AGBL1: variants seen among roughly 807,000 people sequenced by gnomAD.
The protein encoded by AGBL1 is AGBL carboxypeptidase 1, also known as cytosolic carboxypeptidase 4.
Under a neutral mutation model 118.9 loss-of-function variants are expected in AGBL1, and 130 were observed. That is an observed-to-expected ratio of 1.09 (90% CI 0.95 to 1.26). The LOEUF (loss-of-function observed/expected upper bound fraction) is 1.26, where lower values mean the gene tolerates loss of function less well. Among genes scored for constraint, AGBL1 ranks in the 50% most tolerant of loss-of-function variants. AGBL1 has a pLI of 0.00. For synonymous variants in AGBL1, 555 were observed against 478.9 expected (o/e 1.16, Z -2.08); for missense variants, 1,584 against 1,298.1 (o/e 1.22, Z -3.38).
At chr15:86,315,438 C>T (rs933321175) in intron 17 of AGBL1, among the ~76,000 whole-genome samples, 5 of 151,954 alleles carry the variant, frequency 3.3e-5, no homozygotes, top group African/African-American at 4.8e-5. Flanking sequence ...TTCGTGGGGC[C>T]GGGCGCAGTG....
At chr15:86,946,871 AAAG>A (rs1042800874) in intron 23 of AGBL1, among the ~76,000 whole-genome samples, 49 of 151,664 alleles carry the variant, frequency 3.2e-4, no homozygotes, top group Middle Eastern at 6.9e-3. Context: ...ACAAAATAGA[AAAG>A]AAAGAAAAAG....
intron 7 of AGBL1, among the ~76,000 whole-genome samples, chr15:86,248,523 G>C (rs932878339): frequency 6.6e-6 from 1 of 152,130 alleles, no homozygotes; most frequent in African/African-American, 2.4e-5. Context: ...ACTTCTCTGG[G>C]CCTTGAGGTT....
intron 21 of AGBL1, among the ~76,000 whole-genome samples, chr15:86,608,172 C>A (rs1393953259): frequency 6.6e-6 from 1 of 152,154 alleles, no homozygotes; most frequent in Non-Finnish European, 1.5e-5. Flanking sequence ...TCCAGAACAG[C>A]TTTATCCCTT....
chr15:86,300,305 T>C (rs2079725815), intron 17 of AGBL1, among the ~76,000 whole-genome samples: 1 of 152,188 alleles, frequency 6.6e-6, no homozygotes, highest in Non-Finnish European at 1.5e-5. Flanking sequence ...AGTCCCATTT[T>C]AGTTTGGAGA....
chr15:86,372,463 C>T (rs905459901), intron 17 of AGBL1, among the ~76,000 whole-genome samples: 1 of 152,114 alleles, frequency 6.6e-6, no homozygotes, highest in African/African-American at 2.4e-5. Flanking sequence ...TCATTTCCTC[C>T]CTTGGTGTCT....
chr15:86,642,737 T>C (rs1216399405), intron 21 of AGBL1, among the ~76,000 whole-genome samples: 1 of 152,158 alleles, frequency 6.6e-6, no homozygotes, highest in African/African-American at 2.4e-5. Flanking sequence ...GGTTTTTATT[T>C]AAGATTTCAC....
chr15:86,975,264 C>A (rs1207130078), intron 23 of AGBL1, among the ~76,000 whole-genome samples: 7 of 152,000 alleles, frequency 4.6e-5, no homozygotes, highest in Non-Finnish European at 8.8e-5. Flanking sequence ...GGAGGTGTCA[C>A]AACCATGGCA....
At chr15:86,671,113 C>T (rs922982649) in intron 21 of AGBL1, among the ~76,000 whole-genome samples, 5 of 152,066 alleles carry the variant, frequency 3.3e-5, no homozygotes, top group African/African-American at 7.2e-5. Flanking sequence ...GAGTGACCAG[C>T]GCATAGTAAA....
intron 18 of AGBL1, among the ~76,000 whole-genome samples, chr15:86,474,913 T>C (rs567012582): frequency 6.6e-6 from 1 of 152,210 alleles, no homozygotes; most frequent in Non-Finnish European, 1.5e-5. Flanking sequence ...CATTTGCTGT[T>C]CAGCAATATT....
chr15:86,081,471 A>G (rs1567042074), intron 1 of AGBL1, among the ~76,000 whole-genome samples: 1 of 152,230 alleles, frequency 6.6e-6, no homozygotes, highest in East Asian at 1.9e-4. Flanking sequence ...AAATGGCTAC[A>G]TAGTAGGAGA....
intron 18 of AGBL1, among the ~76,000 whole-genome samples, chr15:86,506,110 T>G (rs1027670891): frequency 4.6e-5 from 7 of 152,032 alleles, no homozygotes; most frequent in African/African-American, 1.7e-4. Context: ...ACTGTTGATG[T>G]CTGGGCATGC....
intron 17 of AGBL1, among the ~76,000 whole-genome samples, chr15:86,299,400 G>A (rs937274766): frequency 3.3e-5 from 5 of 152,106 alleles, no homozygotes; most frequent in Admixed American, 3.3e-4. Flanking sequence ...ATGAATAGGC[G>A]TTGGGCAGTT....
chr15:86,081,772 C>A (rs77594931), intron 1 of AGBL1, among the ~76,000 whole-genome samples: 2,138 of 152,242 alleles, frequency 0.014, 31 homozygotes, highest in South Asian at 0.075. Context: ...ATTTTCCTTG[C>A]ACTAGCTGTC....
rs1597473086 is a variant in AGBL1, at chr15:86,158,836, A to G, written c.395-97A>G. The stretch of plus-strand genomic sequence containing the variant: ...AGAAAGGGAGCTATCTTGTTTATCA[A>G]GTTGCCCCTTAAAGATTTAAAGGAG... On this transcript the variant is annotated intron_variant, in intron 4 of 22. Coordinates refer to ENST00000614907, the MANE Select transcript of AGBL1 (RefSeq NM_001386094.1). The G allele has an allele frequency of 4.0e-6, 4 of 999,254 alleles. No homozygotes were observed. The East Asian group carries it at 7.5e-5, about 19-fold the overall frequency. 61.9% of individuals were successfully genotyped at this position (999,254 alleles called of 1,614,324 possible).
At chr15:86,534,932 C>A (rs1458929902) in intron 19 of AGBL1, among the ~76,000 whole-genome samples, 2 of 152,116 alleles carry the variant, frequency 1.3e-5, no homozygotes, top group Non-Finnish European at 2.9e-5. Context: ...TATAGGTTAG[C>A]AGAGATGTTC....
intron 18 of AGBL1, among the ~76,000 whole-genome samples, chr15:86,456,994 G>A (rs991140083): frequency 1.3e-5 from 2 of 152,034 alleles, no homozygotes; most frequent in African/African-American, 4.8e-5. Context: ...TATATATGTA[G>A]AGAAAGAACA....
At chr15:86,167,918 A>G (rs2077364380) in intron 5 of AGBL1, among the ~76,000 whole-genome samples, 1 of 152,250 alleles carries the variant, frequency 6.6e-6, no homozygotes, top group South Asian at 2.1e-4. Context: ...CTAATGAGAA[A>G]AATGAGTAGA....
chr15:86,354,088 T>G (rs928387821), intron 17 of AGBL1, among the ~76,000 whole-genome samples: 16 of 152,196 alleles, frequency 1.1e-4, no homozygotes, highest in African/African-American at 3.6e-4. Context: ...ATGGCATGGC[T>G]GTCATGACTT....
chr15:86,738,748 G>A (rs1367104715), intron 22 of AGBL1, among the ~76,000 whole-genome samples: 1 of 152,146 alleles, frequency 6.6e-6, no homozygotes, highest in Non-Finnish European at 1.5e-5. Flanking sequence ...GCAGGCCTAA[G>A]AAGTCTTTAA....
Sources: allele counts gnomAD v4.1 joint callset (sites outside exome capture counted in the v4.1 genomes callset), GRCh38; gene constraint gnomAD v4.1.1; transcripts MANE v1.5; gene names NCBI Gene and HGNC (gene_info 2026-07-23, HGNC 2026-07-21).